The following PIGS variants were observed in gnomAD, a reference collection of about 807,000 sequenced individuals.
The protein encoded by PIGS is GPI-anchor transamidase component PIGS.
Under a neutral mutation model 58.2 loss-of-function variants are expected in PIGS, and 37 were observed. That is an observed-to-expected ratio of 0.64 (90% CI 0.49 to 0.84). The LOEUF is 0.84. Among genes scored for constraint, PIGS ranks in the 40% least tolerant of loss-of-function variants. The probability of loss-of-function intolerance (pLI) is 0.00; values close to 1 mark genes in which losing one functional copy is unlikely to be tolerated. For synonymous variants in PIGS, 269 were observed against 289.2 expected, an observed-to-expected ratio of 0.93 and a Z score of 0.71; for missense variants, 629 against 710.8, an observed-to-expected ratio of 0.88 and a Z score of 1.31.
intron 8 of PIGS, 74 bp downstream of exon 8, chr17:28,558,402 C>T: frequency 8.0e-7 from 1 of 1,247,522 alleles, no homozygotes; most frequent in Non-Finnish European, 1.1e-6. Flanking sequence ...AACTCCTGTC[C>T]CCTACCCAGC....
At chr17:28,565,322 T>C (rs896410321) in intron 3 of PIGS, among the ~76,000 whole-genome samples, 13 of 152,102 alleles carry the variant, frequency 8.5e-5, no homozygotes, top group Admixed American at 2.6e-4. Flanking sequence ...CTTCAAGACT[T>C]TACTGAAGGA....
At chr17:28,564,016 C>T in intron 3 of PIGS, 109 bp from the exon 4 acceptor site, 3 of 890,614 alleles carry the variant, frequency 3.4e-6, no homozygotes, top group Non-Finnish European at 5.3e-6. Context: ...TGGCTGTTTA[C>T]AGAAAAAGAC....
At position 28,554,875 on chromosome 17, in the gene PIGS, G is replaced by A. The variant is rs1435426919; in HGVS notation, c.1368C>T (p.Val456=). The part of the protein sequence containing the change: ...AQLLGKISNI[V]IKDDVASEVY... ...CCTCAGATGCCACGTCGTCCTTAAT[G>A]ACAATGTTGCTGATCTTGCCCAGAA... Residue 456 remains valine, a synonymous_variant, in exon 11 of 12, where the codon GTC becomes GTT. Transcript: ENST00000308360. The A allele has an allele frequency of 6.2e-7, 1 of 1,614,188 alleles. No individual in the cohort carries two copies. Among genetic ancestry groups the A allele is most frequent in the South Asian group, 1.1e-5 (1 of 91,070 alleles).
chr17:28,560,247 C>G, intron 6 of PIGS, 56 bp from the exon 7 acceptor site: 1 of 1,559,284 alleles, frequency 6.4e-7, no homozygotes, highest in African/African-American at 1.4e-5. Context: ...AGAAGAGGGG[C>G]AGCCTGTACT....
rs950012727 is a variant in PIGS, at chr17:28,553,761, G to A, written c.*459C>T. On this transcript the variant is annotated 3_prime_UTR_variant, in exon 12 of 12. Coordinates refer to ENST00000308360, the MANE Select transcript of PIGS (RefSeq NM_033198.4). Reference sequence around the variant, plus strand: ...GCCAACTAGGAGGGAGGGGAGTGAGGGAGAAGGTCCCACAGGTGACCAATG... The same window carrying A: ...GCCAACTAGGAGGGAGGGGAGTGAGAGAGAAGGTCCCACAGGTGACCAATG... 2.2e-5 allele frequency: 4 copies of A among 178,638 alleles called. No homozygotes were observed. The highest frequency in any genetic ancestry group is 1.1e-4 in the Admixed American group (2 of 18,384). The allele number at this position is 178,638 out of a possible 1,614,324, so 11.1% of individuals were successfully genotyped here.
At position 28,555,032 on chromosome 17, in the gene PIGS, A is replaced by C. The variant is rs1156463383; in HGVS notation, c.1211T>G (p.Leu404Arg). 1 of 1,612,602 alleles carries C rather than the reference A, an allele frequency of 6.2e-7. No homozygotes were observed. ...CCCTGAAAGCAGGCATTTTGGAGGCAGCTGGGGCTGAGCAATCCCAAAGAG... is the reference window on the plus strand; with the variant it reads ...CCCTGAAAGCAGGCATTTTGGAGGCCGCTGGGGCTGAGCAATCCCAAAGAG... ...RLLFGIAQPQ[L>R]PPKCLLSGPT... The change falls in exon 11 of 12, where the codon CTG becomes CGG. Residue 404 changes from leucine (L) to arginine (R), a missense_variant. Leu to Arg is a moderately radical substitution (Grantham distance 102). Coordinates refer to ENST00000308360, the MANE Select transcript of PIGS (RefSeq NM_033198.4).
intron 7 of PIGS, 126 bp from the exon 8 acceptor site, chr17:28,558,716 G>A (rs2070345507): frequency 4.3e-6 from 3 of 698,162 alleles, no homozygotes; most frequent in Non-Finnish European, 7.2e-6. Flanking sequence ...CAAAATCAGG[G>A]CTGAGAGAAA....
In PIGS at chr17:28,564,711, A is replaced by C. The variant is rs183541489; in HGVS notation, c.287-804T>G. On this transcript the variant is annotated intron_variant, in intron 3 of 11. Coordinates refer to ENST00000308360, the MANE Select transcript of PIGS (RefSeq NM_033198.4). ...GCCTGGGCAACAAGAGCGAAACTCC[A>C]TCTCAAAAAAAAAAAAAAAAAGGCA... Among the ~76,000 whole-genome samples, 751 of 148,198 alleles carry C rather than the reference A, an allele frequency of 5.1e-3. 10 individuals carry two copies. Among genetic ancestry groups the C allele is most frequent in the African/African-American group, 0.018 (712 of 39,952 alleles).
chr17:28,555,677 A>G (rs538507887), intron 10 of PIGS: 2 of 169,910 alleles, frequency 1.2e-5, no homozygotes, highest in South Asian at 2.8e-4. Flanking sequence ...TTTTCTTAAA[A>G]CTGGTTTTGC....
At chr17:28,560,305 ATCATG>A in intron 6 of PIGS, 114 bp from the exon 7 acceptor site, 1 of 1,313,564 alleles carries the variant, frequency 7.6e-7, no homozygotes, top group Non-Finnish European at 1.0e-6. Context: ...GCTGCTTTCC[ATCATG>A]GAACCAAAAG....
At chr17:28,561,938 A>G in intron 5 of PIGS, 1 of 291,146 alleles carries the variant, frequency 3.4e-6, no homozygotes, top group Non-Finnish European at 6.4e-6. Context: ...CGGAATAAAC[A>G]GACAACTGGA....
At chr17:28,568,739 A>G (rs984420571) in intron 3 of PIGS, among the ~76,000 whole-genome samples, 1 of 152,218 alleles carries the variant, frequency 6.6e-6, no homozygotes, top group Non-Finnish European at 1.5e-5. Context: ...GAAATCCATG[A>G]TAAACTGAAA....
Position 28,556,196 on chromosome 17 carries a change from C to A in PIGS, c.1151G>T (p.Arg384Leu), listed in dbSNP as rs1248250501. The change falls in exon 10 of 12, where the codon CGA becomes CTA. Residue 384 changes from arginine (R) to leucine (L), a missense_variant. Physicochemically the swap from Arg to Leu is moderately radical, Grantham distance 102. Transcript: ENST00000308360. Reference sequence around the variant, plus strand: ...CTGTGCCAGGAACACCTCCATCACTCGCACCATGTCCACCTCGACTCTCAC... The same window carrying A: ...CTGTGCCAGGAACACCTCCATCACTAGCACCATGTCCACCTCGACTCTCAC... ...LPVRVEVDMV[R>L]VMEVFLAQLR... 3.7e-6 allele frequency: 6 copies of A among 1,613,962 alleles called. No homozygotes were observed. The highest frequency in any genetic ancestry group is 5.1e-6 in the Non-Finnish European group (6 of 1,179,860).
rs933163428 is a variant in PIGS at position 28,570,617 on chromosome 17, T to C, written c.286+235A>G. 3.3e-5 allele frequency among the ~76,000 whole-genome samples: 5 copies of C among 152,346 alleles called. No individual in the cohort carries two copies. The South Asian group carries it at 1.0e-3, about 32-fold the overall frequency. Reference sequence around the variant, plus strand: ...CCACTATATCCCACCTCTTCCCCTATACCCTGATGGGCATCAACTGCTTCC... The same window carrying C: ...CCACTATATCCCACCTCTTCCCCTACACCCTGATGGGCATCAACTGCTTCC... On this transcript the variant is annotated intron_variant, in intron 3 of 11. Coordinates refer to ENST00000308360, the MANE Select transcript of PIGS (RefSeq NM_033198.4).
At chr17:28,570,280 G>A (rs2070419181) in intron 3 of PIGS, among the ~76,000 whole-genome samples, 1 of 152,256 alleles carries the variant, frequency 6.6e-6, no homozygotes, top group Non-Finnish European at 1.5e-5. Flanking sequence ...GGAGGCTGAG[G>A]CATGCGGATC....
chr17:28,558,611 G>A, intron 7 of PIGS, 21 bp from the exon 8 acceptor site: 1 of 1,558,234 alleles, frequency 6.4e-7, no homozygotes, highest in Non-Finnish European at 8.8e-7. Context: ...AACAGGGAGT[G>A]GTTACTTTGT....
At chr17:28,556,763 G>A in intron 9 of PIGS, 64 bp downstream of exon 9, 1 of 1,563,524 alleles carries the variant, frequency 6.4e-7, no homozygotes. Context: ...AAGGAACACA[G>A]TTTCAGGGAC....
chr17:28,562,386 A>G (rs1251353701), intron 5 of PIGS, among the ~76,000 whole-genome samples: 2 of 152,138 alleles, frequency 1.3e-5, no homozygotes, highest in African/African-American at 4.8e-5. Context: ...GGGGATGGGG[A>G]CGTTCATTAA....
intron 6 of PIGS, among the ~76,000 whole-genome samples, chr17:28,560,550 G>A (rs1256804736): frequency 1.3e-5 from 2 of 152,118 alleles, no homozygotes; most frequent in Admixed American, 1.3e-4. Context: ...GGCCGAGGCA[G>A]GCAGATCATT....
Sources: allele counts gnomAD v4.1 joint callset (sites outside exome capture counted in the v4.1 genomes callset), GRCh38; gene constraint gnomAD v4.1.1; transcripts MANE v1.5; gene names NCBI Gene and HGNC (gene_info 2026-07-23, HGNC 2026-07-21).